RGS17: variants seen among roughly 807,000 people sequenced by gnomAD.
The protein encoded by RGS17 is regulator of G protein signaling 17.
A neutral mutation model predicts 25.5 loss-of-function variants in RGS17; 12 were observed. That is an observed-to-expected ratio of 0.47 (90% CI 0.30 to 0.76). RGS17 has a LOEUF of 0.76. Ranked by LOEUF, RGS17 falls within the 30% of genes least tolerant of loss-of-function variation. RGS17 has a pLI of 0.07. For missense variants in RGS17, 196 were observed against 242.2 expected (o/e 0.81, Z 1.27); for synonymous variants, 71 against 76.9 (o/e 0.92, Z 0.40).
intron 1 of RGS17, among the ~76,000 whole-genome samples, chr6:153,092,455 G>C (rs1046654473): frequency 6.6e-6 from 1 of 152,174 alleles, no homozygotes; most frequent in Admixed American, 6.5e-5. Flanking sequence ...TTTGGTATCA[G>C]TTCTCTAAAG....
At chr6:153,085,658 T>C (rs1777042166) in intron 1 of RGS17, among the ~76,000 whole-genome samples, 2 of 152,232 alleles carry the variant, frequency 1.3e-5, no homozygotes. Context: ...AGCACAACTC[T>C]GAAAGAAAAA....
intron 1 of RGS17, among the ~76,000 whole-genome samples, chr6:153,128,711 T>C (rs1300135944): frequency 6.6e-6 from 1 of 152,174 alleles, no homozygotes; most frequent in Non-Finnish European, 1.5e-5. Context: ...TTATTATTAT[T>C]ATTATTTATT....
At chr6:153,025,029 G>C (rs573636119) in intron 3 of RGS17, among the ~76,000 whole-genome samples, 35 of 151,770 alleles carry the variant, frequency 2.3e-4, no homozygotes, top group African/African-American at 8.5e-4. Flanking sequence ...TAATTTTTCT[G>C]TTGGGCATGG....
chr6:153,015,352 G>C (rs954431869), intron 4 of RGS17, among the ~76,000 whole-genome samples: 10 of 152,180 alleles, frequency 6.6e-5, no homozygotes, highest in African/African-American at 2.2e-4. Flanking sequence ...ACATGCTATA[G>C]AGAAATCTTT....
intron 1 of RGS17, among the ~76,000 whole-genome samples, chr6:153,112,611 C>T (rs1403724407): frequency 1.3e-5 from 2 of 152,224 alleles, no homozygotes; most frequent in East Asian, 3.9e-4. Flanking sequence ...AACCCCAAGA[C>T]ACCTAATCGT....
intron 1 of RGS17, among the ~76,000 whole-genome samples, chr6:153,066,226 C>G (rs536485606): frequency 1.3e-5 from 2 of 152,112 alleles, no homozygotes; most frequent in African/African-American, 4.8e-5. Flanking sequence ...ACGATTGAAC[C>G]AGAAAGAAAT....
intron 1 of RGS17, among the ~76,000 whole-genome samples, chr6:153,109,605 G>A (rs1777437995): frequency 6.6e-6 from 1 of 152,174 alleles, no homozygotes; most frequent in African/African-American, 2.4e-5. Context: ...CCTTTGCAAA[G>A]CTGTAAATAC....
rs146106573 is a variant in RGS17 at position 153,121,526 on chromosome 6, T to A, written c.-26+9598A>T. Among the ~76,000 whole-genome samples, 614 of 152,280 alleles carry A rather than the reference T, an allele frequency of 4.0e-3. 13 individuals are homozygous for A. The highest frequency in any genetic ancestry group is 0.029 in the Admixed American group (440 of 15,286). ...CTCTTAAAAATAATCTCAGTGGCAA[T>A]GAGCAGACAAGCTTTTCCAAGCTCA... is the stretch of plus-strand genomic sequence containing the variant. On this transcript the variant is annotated intron_variant, in intron 1 of 4. Coordinates refer to ENST00000206262, the MANE Select transcript of RGS17 (RefSeq NM_012419.5).
At chr6:153,035,698 G>A (rs1413873138) in intron 2 of RGS17, among the ~76,000 whole-genome samples, 1 of 152,166 alleles carries the variant, frequency 6.6e-6, no homozygotes, top group Non-Finnish European at 1.5e-5. Context: ...ATTTGGAATG[G>A]TTGAATTTCA....
At chr6:153,018,945 C>T (rs1367286620) in intron 4 of RGS17, among the ~76,000 whole-genome samples, 2 of 152,210 alleles carry the variant, frequency 1.3e-5, no homozygotes, top group East Asian at 3.8e-4. Flanking sequence ...TACATGGACA[C>T]ACAGAATCTG....
chr6:153,060,127 A>C (rs1776614157), intron 1 of RGS17, among the ~76,000 whole-genome samples: 2 of 128,254 alleles, frequency 1.6e-5, no homozygotes, highest in Admixed American at 7.8e-5. Flanking sequence ...GTGCAGGGGA[A>C]GTCTGTTTCC....
At chr6:153,063,170 T>C (rs1420400864) in intron 1 of RGS17, among the ~76,000 whole-genome samples, 4 of 151,948 alleles carry the variant, frequency 2.6e-5, no homozygotes, top group Non-Finnish European at 5.9e-5. Flanking sequence ...CAGACAAACA[T>C]CTACAACTAT....
chr6:153,006,622 GAAAA>G lies in RGS17; in HGVS notation c.*4948_*4951del, dbSNP rs199820337. 7 of 152,252 alleles carry G rather than the reference GAAAA, an allele frequency of 4.6e-5. No homozygotes were observed. The highest frequency in any genetic ancestry group is 1.5e-4 in the African/African-American group (6 of 41,378). The allele number at this position is 152,252 out of a possible 1,614,324, so 9.4% of individuals were successfully genotyped here. On this transcript the variant is annotated 3_prime_UTR_variant, in exon 5 of 5. Transcript: ENST00000206262. ...AATCAGATGTTTAACGTATGTTTTG[GAAAA>G]AAATAGGGGAAAGTGCATTAAAGTG...
intron 1 of RGS17, among the ~76,000 whole-genome samples, chr6:153,125,682 G>A (rs1462891420): frequency 1.3e-4 from 20 of 151,978 alleles, no homozygotes; most frequent in African/African-American, 9.7e-5. Context: ...GCAAAACCCC[G>A]ACTCTACAAA....
At chr6:153,048,242 C>T (rs1226304856) in intron 1 of RGS17, among the ~76,000 whole-genome samples, 1 of 152,158 alleles carries the variant, frequency 6.6e-6, no homozygotes, top group African/African-American at 2.4e-5. Flanking sequence ...GAATGAAAAG[C>T]CTCATCCTTC....
intron 1 of RGS17, among the ~76,000 whole-genome samples, chr6:153,047,959 C>T (rs1776405328): frequency 6.6e-6 from 1 of 152,308 alleles, no homozygotes; most frequent in Non-Finnish European, 1.5e-5. Flanking sequence ...TCATCTTCCT[C>T]GCTTTCAAAT....
At chr6:153,107,035 T>C (rs925026634) in intron 1 of RGS17, among the ~76,000 whole-genome samples, 1 of 152,064 alleles carries the variant, frequency 6.6e-6, no homozygotes, top group Non-Finnish European at 1.5e-5. Flanking sequence ...AATATTTTAG[T>C]AGTTTGGTAT....
intron 1 of RGS17, among the ~76,000 whole-genome samples, chr6:153,046,792 T>C (rs1776390610): frequency 6.6e-6 from 1 of 151,978 alleles, no homozygotes; most frequent in South Asian, 2.1e-4. Flanking sequence ...GGAAAAATAA[T>C]GGATTGTCAG....
At chr6:153,101,389 T>C (rs970383816) in intron 1 of RGS17, among the ~76,000 whole-genome samples, 2 of 152,190 alleles carry the variant, frequency 1.3e-5, no homozygotes, top group Admixed American at 6.5e-5. Context: ...ATGGATGTGG[T>C]TATCCTCGGG....
Sources: allele counts gnomAD v4.1 joint callset (sites outside exome capture counted in the v4.1 genomes callset), GRCh38; gene constraint gnomAD v4.1.1; transcripts MANE v1.5; gene names NCBI Gene and HGNC (gene_info 2026-07-23, HGNC 2026-07-21).